CMTM4: variants seen among roughly 807,000 people sequenced by gnomAD.
The protein encoded by CMTM4 is CKLF like MARVEL transmembrane domain containing 4, also known as CKLF-like MARVEL transmembrane domain-containing protein 4.
Under a neutral mutation model 19.0 loss-of-function variants are expected in CMTM4, and 8 were observed. The ratio of observed to expected loss-of-function variants is 0.42; its 90% CI spans 0.25 to 0.76. The LOEUF is 0.76. Ranked by LOEUF, CMTM4 falls within the 30% of genes least tolerant of loss-of-function variation. The pLI is 0.27. For synonymous variants in CMTM4, 106 were observed against 121.1 expected (o/e 0.88, Z 0.82); for missense variants, 228 against 290.2 (o/e 0.79, Z 1.56).
intron 1 of CMTM4, among the ~76,000 whole-genome samples, chr16:66,669,551 A>AT (rs200342684): frequency 0.02 from 2,957 of 148,596 alleles, 66 homozygotes; most frequent in South Asian, 0.12. Flanking sequence ...CATTTGCTGG[A>AT]TTTTTTTTTT....
rs2015621818 is a variant in CMTM4, at chr16:66,620,984, G to A, written c.*1074C>T. The A allele has an allele frequency of 1.0e-6, 1 of 985,868 alleles. No individual in the cohort carries two copies. The highest frequency in any genetic ancestry group is 1.2e-6 in the Non-Finnish European group (1 of 829,936). The allele number at this position is 985,868 out of a possible 1,614,324, so 61.1% of individuals were successfully genotyped here. A position where few individuals can be genotyped will look rare whatever the true frequency, so the allele number is the denominator to read the frequency against. On this transcript the variant is annotated 3_prime_UTR_variant, in exon 4 of 4. Coordinates refer to ENST00000394106, the MANE Select transcript of CMTM4 (RefSeq NM_181521.3). ...GAATGATGTCTACAGTTATGACACT[G>A]AGGCGCCCAAAGCGACAATTAGTGC...
At chr16:66,646,008 G>A (rs962691264) in intron 1 of CMTM4, among the ~76,000 whole-genome samples, 1 of 151,922 alleles carries the variant, frequency 6.6e-6, no homozygotes, top group African/African-American at 2.4e-5. Context: ...AACAAAGCAG[G>A]AGAGCCATGG....
In CMTM4 at chr16:66,616,033, G is replaced by GA. The variant is rs2015521179; in HGVS notation, c.*6024_*6025insT. 1 of 150,952 alleles carries GA rather than the reference G, an allele frequency of 6.6e-6. No individual in the cohort carries two copies. Among genetic ancestry groups the GA allele is most frequent in the Non-Finnish European group, 1.5e-5 (1 of 67,816 alleles). The allele number at this position is 150,952 out of a possible 1,614,324, so 9.4% of individuals were successfully genotyped here. A position where few individuals can be genotyped will look rare whatever the true frequency, so the allele number is the denominator to read the frequency against. ...GAGGAATAGCCAGGGAATTTTTTTT[G>GA]TTTTTTTTCTTCTTTAAAATACATA... On this transcript the variant is annotated 3_prime_UTR_variant, in exon 4 of 4. Coordinates refer to ENST00000394106, the MANE Select transcript of CMTM4 (RefSeq NM_181521.3).
In CMTM4 at chr16:66,617,713, T is replaced by G. The variant is rs1252605790; in HGVS notation, c.*4345A>C. On this transcript the variant is annotated 3_prime_UTR_variant, in exon 4 of 4. Transcript: ENST00000394106. ...GATTCTACAAAGCGCCAGGGAAGTT[T>G]ACAAAGCTAAAAGCTGAGGGTGTCA... 3.8e-6 allele frequency: 4 copies of G among 1,043,278 alleles called. No individual in the cohort carries two copies. The highest frequency in any genetic ancestry group is 3.5e-6 in the Non-Finnish European group (3 of 866,098). 64.6% of individuals were successfully genotyped at this position (1,043,278 alleles called of 1,614,324 possible).
At chr16:66,608,364 TCA>T in the CMTM4 span, 1 of 1,614,098 alleles carries the variant, frequency 6.2e-7, no homozygotes, top group African/African-American at 1.3e-5. This position sits in a 1 kb window ranked among gnomAD's most constrained non-coding sequence, Gnocchi z 5.1. Flanking sequence ...TCTGCCTTCC[TCA>T]CAGCGCCTCT....
chr16:66,633,560 G>A (rs750468520), intron 2 of CMTM4, among the ~76,000 whole-genome samples: 12 of 152,134 alleles, frequency 7.9e-5, no homozygotes, highest in Non-Finnish European at 1.8e-4. Context: ...GCTCACGCCT[G>A]TAACCTCAGC....
rs890846862 is a variant in CMTM4 at position 66,615,767 on chromosome 16, C to T, written c.*6291G>A. The T allele has an allele frequency of 1.1e-4, 16 of 152,248 alleles. No individual in the cohort carries two copies. The highest frequency in any genetic ancestry group is 3.6e-4 in the African/African-American group (15 of 41,456). 9.4% of individuals were successfully genotyped at this position (152,248 alleles called of 1,614,324 possible). A position where few individuals can be genotyped will look rare whatever the true frequency, so the allele number is the denominator to read the frequency against. ...GGGAAGGAGCCGGACACCGGCCTCT[C>T]ACCATTTTACACCCAAAGACAGGAG... On this transcript the variant is annotated 3_prime_UTR_variant, in exon 4 of 4. Coordinates refer to ENST00000394106, the MANE Select transcript of CMTM4 (RefSeq NM_181521.3). This position sits in a 1 kb window ranked among gnomAD's most constrained non-coding sequence, Gnocchi z 4.9.
At chr16:66,633,101 A>C (rs2015909077) in intron 2 of CMTM4, among the ~76,000 whole-genome samples, 1 of 15,448 alleles carries the variant, frequency 6.5e-5, no homozygotes, top group Non-Finnish European at 1.1e-4. Context: ...ATATATATAT[A>C]AATATATATA....
At chr16:66,602,703 C>T in the CMTM4 span, among the ~76,000 whole-genome samples, 37 of 152,200 alleles carry the variant, frequency 2.4e-4, no homozygotes, top group African/African-American at 6.7e-4. Context: ...TGTGCCACCA[C>T]GCCCAGCTAA....
Position 66,617,893 on chromosome 16 carries a change from G to C in CMTM4, c.*4165C>G, listed in dbSNP as rs540358863. ...TGCCCTCAAGCTGACTGTGGAACGCGAGACAGCTTTCAAAGACAAGAGGAC... is the reference window on the plus strand; with the variant it reads ...TGCCCTCAAGCTGACTGTGGAACGCCAGACAGCTTTCAAAGACAAGAGGAC... On this transcript the variant is annotated 3_prime_UTR_variant, in exon 4 of 4. Transcript: ENST00000394106. 2.0e-6 allele frequency: 2 copies of C among 988,062 alleles called. No homozygotes were observed. Among genetic ancestry groups the C allele is most frequent in the Non-Finnish European group, 1.2e-6 (1 of 831,868 alleles). 61.2% of individuals were successfully genotyped at this position (988,062 alleles called of 1,614,324 possible).
chr16:66,644,609 A>T (rs1001320739), intron 1 of CMTM4, among the ~76,000 whole-genome samples: 3 of 152,186 alleles, frequency 2.0e-5, no homozygotes, highest in African/African-American at 7.2e-5. Context: ...TTCCAAAATC[A>T]TGAGTCTTAA....
chr16:66,649,459 C>T lies in CMTM4; in HGVS notation c.187-12878G>A, dbSNP rs8049464. On this transcript the variant is annotated intron_variant, in intron 1 of 3. Coordinates refer to ENST00000394106, the MANE Select transcript of CMTM4 (RefSeq NM_181521.3). ...TCTTGATTCCTTCTCTCTATCTATC[C>T]ATCTATCTATCTATCTATCTATCTA... Among the ~76,000 whole-genome samples the T allele has an allele frequency of 1.8e-3, 271 of 149,496 alleles. 1 individual carries two copies. Among genetic ancestry groups the T allele is most frequent in the Non-Finnish European group, 1.6e-3 (110 of 67,282 alleles).
intron 1 of CMTM4, among the ~76,000 whole-genome samples, chr16:66,688,749 T>C (rs920706036): frequency 1.3e-5 from 2 of 152,204 alleles, no homozygotes; most frequent in African/African-American, 4.8e-5. Context: ...ATTTTAACTA[T>C]ATTGAGTTTT....
the CMTM4 span, chr16:66,604,778 G>A: frequency 8.1e-6 from 10 of 1,232,566 alleles, no homozygotes; most frequent in African/African-American, 7.9e-5. Context: ...GAGCCAGGCC[G>A]AGCCCCGGCC....
At chr16:66,690,112 T>A (rs1293513561) in intron 1 of CMTM4, among the ~76,000 whole-genome samples, 1 of 152,150 alleles carries the variant, frequency 6.6e-6, no homozygotes, top group Non-Finnish European at 1.5e-5. Context: ...ACAATCTTCC[T>A]AAAGGAAAAT....
intron 1 of CMTM4, among the ~76,000 whole-genome samples, chr16:66,657,393 A>C (rs1162718269): frequency 6.6e-6 from 1 of 152,136 alleles, no homozygotes; most frequent in Non-Finnish European, 1.5e-5. Context: ...AGCCAGCCCT[A>C]ATTTCCTGAT....
chr16:66,649,290 T>A (rs150128594), intron 1 of CMTM4, among the ~76,000 whole-genome samples: 163 of 152,226 alleles, frequency 1.1e-3, no homozygotes, highest in African/African-American at 3.6e-3. Flanking sequence ...ATTTTTTTTT[T>A]AAAGTAGTAT....
intron 2 of CMTM4, among the ~76,000 whole-genome samples, chr16:66,626,397 A>G (rs2015738921): frequency 6.6e-6 from 1 of 152,166 alleles, no homozygotes; most frequent in Non-Finnish European, 1.5e-5. Context: ...TGAGCTCAGG[A>G]GCTCAAGACC....
At chr16:66,599,187 G>A in the CMTM4 span, among the ~76,000 whole-genome samples, 9 of 152,092 alleles carry the variant, frequency 5.9e-5, no homozygotes, top group African/African-American at 2.2e-4. Flanking sequence ...CTACTTGGGA[G>A]GCTGAGGCAT....
Sources: gnomAD v4.1 joint callset for allele counts (sites outside exome capture counted in the v4.1 genomes callset) on GRCh38, gnomAD v4.1.1 for gene constraint, Gnocchi (gnomAD v3.1) non-coding constraint, MANE v1.5 for transcripts, NCBI Gene and HGNC (gene_info 2026-07-23, HGNC 2026-07-21) for gene names.